DLG2: variants seen among roughly 807,000 people sequenced by gnomAD.
The protein encoded by DLG2 is disks large homolog 2.
DLG2 carries 45 observed loss-of-function variants against 132.5 expected under a neutral mutation model. That is an observed-to-expected ratio of 0.34 (90% CI 0.27 to 0.44). The LOEUF (loss-of-function observed/expected upper bound fraction) is 0.44. DLG2 is among the 20% of genes least tolerant of loss of function. DLG2 has a pLI of 1.00. For synonymous variants in DLG2, 424 were observed against 419.6 expected, an observed-to-expected ratio of 1.01 and a Z score of -0.13; for missense variants, 1,045 against 1,196.9, an observed-to-expected ratio of 0.87 and a Z score of 1.87.
intron 3 of DLG2, among the ~76,000 whole-genome samples, chr11:85,511,868 G>A (rs1217682157): frequency 2.0e-5 from 3 of 151,784 alleles, no homozygotes; most frequent in Admixed American, 6.6e-5. Context: ...ACAGGCATTA[G>A]GACTATAGGC....
At chr11:84,394,567 T>C (rs1437915576) in intron 7 of DLG2, among the ~76,000 whole-genome samples, 1 of 152,138 alleles carries the variant, frequency 6.6e-6, no homozygotes, top group Non-Finnish European at 1.5e-5. Flanking sequence ...TTCTTGTTTC[T>C]CCTTGAATCT....
intron 9 of DLG2, among the ~76,000 whole-genome samples, chr11:84,114,602 T>G (rs2093538107): frequency 6.6e-6 from 1 of 152,208 alleles, no homozygotes; most frequent in Non-Finnish European, 1.5e-5. Context: ...GAAAAGATTT[T>G]TCAATATGAT....
intron 6 of DLG2, among the ~76,000 whole-genome samples, chr11:84,917,250 C>G (rs897793674): frequency 3.9e-5 from 6 of 152,142 alleles, no homozygotes; most frequent in African/African-American, 1.2e-4. Context: ...AGCCTCAGGC[C>G]TGACTCTGGC....
chr11:83,614,483 C>T (rs533454889), intron 19 of DLG2, among the ~76,000 whole-genome samples: 2 of 152,210 alleles, frequency 1.3e-5, no homozygotes, highest in African/African-American at 4.8e-5. Context: ...CTTTGGGAGG[C>T]GGAGGTGGGT....
intron 10 of DLG2, among the ~76,000 whole-genome samples, chr11:84,086,890 A>C (rs1178658543): frequency 6.6e-6 from 1 of 152,122 alleles, no homozygotes; most frequent in Non-Finnish European, 1.5e-5. Flanking sequence ...CTATTCTAGA[A>C]ATTTCGTGTA....
chr11:85,378,890 T>TG, intron 3 of DLG2, among the ~76,000 whole-genome samples: 1 of 152,286 alleles, frequency 6.6e-6, no homozygotes, highest in East Asian at 1.9e-4. Context: ...ACTTTAGGTA[T>TG]TCTGACAGGA....
In DLG2 at chr11:83,475,132, T is replaced by C. The variant is rs944094957; in HGVS notation, c.2294-2355A>G. Reference sequence around the variant, plus strand: ...AAGACCTTGTGGCAATCAGGTACTGTGTAATACCCAGGAAGCCTGTGGGGA... The same window carrying C: ...AAGACCTTGTGGCAATCAGGTACTGCGTAATACCCAGGAAGCCTGTGGGGA... On this transcript the variant is annotated intron_variant, in intron 22 of 27. Transcript: ENST00000376104. Among the ~76,000 whole-genome samples, 5 of 152,260 alleles carry C rather than the reference T, an allele frequency of 3.3e-5. No individual in the cohort carries two copies. The South Asian group carries it at 8.3e-4, about 25-fold the overall frequency.
At chr11:84,672,310 T>C (rs1189837340) in intron 6 of DLG2, among the ~76,000 whole-genome samples, 1 of 152,104 alleles carries the variant, frequency 6.6e-6, no homozygotes, top group East Asian at 1.9e-4. Flanking sequence ...ATGAGTCACA[T>C]GACATATCTA....
chr11:85,569,786 G>A (rs969336332), intron 3 of DLG2, among the ~76,000 whole-genome samples: 26 of 152,288 alleles, frequency 1.7e-4, no homozygotes, highest in South Asian at 6.2e-4. Flanking sequence ...CTTATACACC[G>A]TTGGTAAATT....
intron 3 of DLG2, among the ~76,000 whole-genome samples, chr11:85,460,673 A>G (rs2092578742): frequency 1.3e-5 from 2 of 152,192 alleles, no homozygotes; most frequent in African/African-American, 2.4e-5. Context: ...GGCCTCTCCC[A>G]TGATCACCCC....
At position 83,481,037 on chromosome 11, in the gene DLG2, G is replaced by A. The variant is rs143514304; in HGVS notation, c.2293+3092C>T. Among the ~76,000 whole-genome samples the A allele has an allele frequency of 7.7e-4, 117 of 152,176 alleles. 2 individuals are homozygous for A. Among genetic ancestry groups the A allele is most frequent in the Middle Eastern group, 3.4e-3 (1 of 294 alleles). ...TGTGAGTCACTGAATAATATTTTAC[G>A]AATCAGCTCAATAGTTCCTTGTTTT... On this transcript the variant is annotated intron_variant, in intron 22 of 27. Coordinates refer to ENST00000376104, the MANE Select transcript of DLG2 (RefSeq NM_001142699.3).
chr11:84,348,466 G>A (rs960019213), intron 7 of DLG2, among the ~76,000 whole-genome samples: 12 of 152,188 alleles, frequency 7.9e-5, no homozygotes, highest in South Asian at 2.1e-4. Context: ...GCTAGGAAGA[G>A]TAATATTCAG....
chr11:83,896,060 T>G (rs553080465), intron 15 of DLG2, among the ~76,000 whole-genome samples: 1 of 152,134 alleles, frequency 6.6e-6, no homozygotes, highest in East Asian at 1.9e-4. Context: ...CTCTTATGTA[T>G]ACAGTACACT....
intron 4 of DLG2, among the ~76,000 whole-genome samples, chr11:85,167,674 C>G (rs2078557952): frequency 6.6e-6 from 1 of 152,122 alleles, no homozygotes; most frequent in African/African-American, 2.4e-5. Flanking sequence ...GCTGCCCACT[C>G]TTCATCAAAT....
At chr11:85,506,163 C>G (rs2093928281) in intron 3 of DLG2, among the ~76,000 whole-genome samples, 1 of 152,074 alleles carries the variant, frequency 6.6e-6, no homozygotes, top group Non-Finnish European at 1.5e-5. Context: ...TTTCAAAAAA[C>G]CAGCTCCTGG....
At chr11:83,605,806 C>T (rs2059253019) in intron 19 of DLG2, among the ~76,000 whole-genome samples, 1 of 152,228 alleles carries the variant, frequency 6.6e-6, no homozygotes, top group African/African-American at 2.4e-5. Flanking sequence ...CTATTGTCCA[C>T]AAATGTGAGA....
rs956666232 is a variant in DLG2, at chr11:83,874,209, GAC to G, written c.1565+209_1565+210del. Among the ~76,000 whole-genome samples the G allele has an allele frequency of 8.8e-4, 122 of 137,950 alleles. 1 individual carries two copies. The highest frequency in any genetic ancestry group is 4.0e-3 in the Middle Eastern group (1 of 252). The allele number at this position is 137,950 out of a possible 152,430, so 90.5% of individuals were successfully genotyped here. ...AAAGGACAAAAGAAAGAGAAAGAAA[GAC>G]AGAAAAAAAGAAAGAAAGAAAGACA... On this transcript the variant is annotated intron_variant, in intron 16 of 27. Coordinates refer to ENST00000376104, the MANE Select transcript of DLG2 (RefSeq NM_001142699.3).
At chr11:83,597,374 C>T (rs1179811729) in intron 19 of DLG2, among the ~76,000 whole-genome samples, 1 of 152,038 alleles carries the variant, frequency 6.6e-6, no homozygotes, top group Non-Finnish European at 1.5e-5. Context: ...AAATTTTCTA[C>T]TTTTTAATCT....
intron 7 of DLG2, among the ~76,000 whole-genome samples, chr11:84,515,276 TACACACACACACACAC>T (rs142638064): frequency 4.9e-5 from 7 of 141,850 alleles, no homozygotes; most frequent in South Asian, 2.3e-4. Flanking sequence ...TGAACTTAAA[TACACACACACACACAC>T]ACACACACAC....
Sources: gnomAD v4.1 joint callset for allele counts (sites outside exome capture counted in the v4.1 genomes callset) on GRCh38, gnomAD v4.1.1 for gene constraint, MANE v1.5 for transcripts, NCBI Gene and HGNC (gene_info 2026-07-23, HGNC 2026-07-21) for gene names.